OPCML: variants seen among roughly 807,000 people sequenced by gnomAD.
OPCML encodes the protein opioid binding protein/cell adhesion molecule like.
OPCML carries 13 observed loss-of-function variants against 37.8 expected under a neutral mutation model. The ratio of observed to expected loss-of-function variants is 0.34; its 90% CI spans 0.22 to 0.55. The LOEUF is 0.55. Among genes scored for constraint, OPCML ranks in the 20% least tolerant of loss-of-function variants. The pLI, the probability that OPCML is intolerant of heterozygous loss-of-function variation, is 0.91. For missense variants in OPCML, 341 were observed against 435.6 expected (o/e 0.78, Z 1.93); for synonymous variants, 176 against 168.8 (o/e 1.04, Z -0.33).
rs569762987 is a variant in OPCML at position 133,324,585 on chromosome 11, G to A, written c.61+207679C>T. Reference sequence around the variant, plus strand: ...TAGAAGCAACTGCTAAGACGCCTACGGGCCTCTGTGCCCCAGGTGGGCTGT... The same window carrying A: ...TAGAAGCAACTGCTAAGACGCCTACAGGCCTCTGTGCCCCAGGTGGGCTGT... On this transcript the variant is annotated intron_variant, in intron 1 of 7. Coordinates refer to ENST00000524381, the MANE Select transcript of OPCML (RefSeq NM_001012393.5). Among the ~76,000 whole-genome samples the A allele has an allele frequency of 1.2e-4, 19 of 152,176 alleles. 1 individual carries two copies. Among genetic ancestry groups the A allele is most frequent in the Admixed American group, 7.8e-4 (12 of 15,288 alleles).
At chr11:133,504,512 A>G (rs993626141) in intron 1 of OPCML, among the ~76,000 whole-genome samples, 2 of 152,240 alleles carry the variant, frequency 1.3e-5, no homozygotes, top group Non-Finnish European at 2.9e-5. Context: ...AAATGCCATC[A>G]GTAAAAGACT....
At chr11:132,665,448 C>T (rs763870107) in intron 2 of OPCML, among the ~76,000 whole-genome samples, 1 of 152,162 alleles carries the variant, frequency 6.6e-6, no homozygotes, top group South Asian at 2.1e-4. Context: ...GACGGCAGCT[C>T]AGAACAGAGT....
intron 1 of OPCML, chr11:133,300,794 T>A (rs1942757381): frequency 1.3e-5 from 2 of 152,164 alleles, no homozygotes; most frequent in African/African-American, 4.8e-5. Context: ...CAGAGCGTGA[T>A]TTCATAAAGA....
intron 1 of OPCML, among the ~76,000 whole-genome samples, chr11:133,178,541 T>G (rs533648157): frequency 1.2e-4 from 19 of 152,184 alleles, no homozygotes; most frequent in African/African-American, 4.6e-4. Flanking sequence ...CTGGGCTCGT[T>G]GGGGAAATAA....
intron 2 of OPCML, among the ~76,000 whole-genome samples, chr11:132,919,769 T>C (rs1453510055): frequency 2.0e-5 from 3 of 152,042 alleles, no homozygotes; most frequent in Non-Finnish European, 2.9e-5. Flanking sequence ...ATGCTGTTCA[T>C]CTCCACCCAC....
intron 2 of OPCML, among the ~76,000 whole-genome samples, chr11:132,820,222 C>T (rs905272309): frequency 2.0e-5 from 3 of 152,124 alleles, no homozygotes; most frequent in East Asian, 1.9e-4. Context: ...AATGGGGGTC[C>T]TGCTTTCACA....
intron 1 of OPCML, among the ~76,000 whole-genome samples, chr11:133,320,867 T>C (rs976788871): frequency 3.9e-5 from 6 of 152,196 alleles, no homozygotes; most frequent in Non-Finnish European, 5.9e-5. Context: ...CCCGCAAGTC[T>C]GCTCAATACG....
intron 4 of OPCML, among the ~76,000 whole-genome samples, chr11:132,477,023 T>A (rs1255231866): frequency 2.0e-5 from 3 of 152,136 alleles, no homozygotes; most frequent in Non-Finnish European, 4.4e-5. Context: ...ATAGGTAAAT[T>A]GACCACTTAT....
chr11:132,575,676 C>G (rs1173810403), intron 3 of OPCML, among the ~76,000 whole-genome samples: 1 of 151,948 alleles, frequency 6.6e-6, no homozygotes, highest in African/African-American at 2.4e-5. Flanking sequence ...ACTACCATTA[C>G]AGTAATACAG....
intron 2 of OPCML, among the ~76,000 whole-genome samples, chr11:132,810,259 T>C (rs1216389955): frequency 6.6e-6 from 1 of 152,202 alleles, no homozygotes; most frequent in Admixed American, 6.5e-5. Context: ...CAGGTCAGAC[T>C]TCAAGTCTCA....
At chr11:133,457,611 T>C (rs563750647) in intron 1 of OPCML, among the ~76,000 whole-genome samples, 199 of 152,110 alleles carry the variant, frequency 1.3e-3, no homozygotes, top group African/African-American at 4.7e-3. Flanking sequence ...TATATATGCT[T>C]TAAGACACCA....
chr11:133,384,082 A>G (rs551615922), intron 1 of OPCML, among the ~76,000 whole-genome samples: 1 of 152,136 alleles, frequency 6.6e-6, no homozygotes, highest in East Asian at 1.9e-4. Flanking sequence ...TTCAGTGGTA[A>G]AAACAGATAC....
At chr11:133,152,380 G>A (rs1949998730) in intron 1 of OPCML, among the ~76,000 whole-genome samples, 1 of 152,154 alleles carries the variant, frequency 6.6e-6, no homozygotes, top group African/African-American at 2.4e-5. Flanking sequence ...TGCCCACTTC[G>A]TTATTTAAGA....
chr11:133,414,939 G>T (rs1592277545), intron 1 of OPCML, among the ~76,000 whole-genome samples: 1 of 152,186 alleles, frequency 6.6e-6, no homozygotes, highest in South Asian at 2.1e-4. Context: ...AAGACAAAAA[G>T]AAAATGTGGT....
intron 1 of OPCML, chr11:133,423,271 G>A: frequency 1.0e-6 from 1 of 985,266 alleles, no homozygotes; most frequent in Non-Finnish European, 1.2e-6. Context: ...TTCAGTTTTA[G>A]CAATTGGAAT....
chr11:132,807,601 A>C (rs543065932), intron 2 of OPCML, among the ~76,000 whole-genome samples: 11 of 152,202 alleles, frequency 7.2e-5, no homozygotes, highest in Non-Finnish European at 1.2e-4. Flanking sequence ...AGTGCTGTGG[A>C]TTCCTCTCCC....
chr11:132,762,745 T>C (rs1187902883), intron 2 of OPCML, among the ~76,000 whole-genome samples: 1 of 152,172 alleles, frequency 6.6e-6, no homozygotes, highest in Non-Finnish European at 1.5e-5. Context: ...CATAGCTTTT[T>C]GGGCTCCGTG....
At chr11:132,641,901 C>A (rs759586606) in intron 3 of OPCML, among the ~76,000 whole-genome samples, 3 of 152,172 alleles carry the variant, frequency 2.0e-5, no homozygotes, top group Admixed American at 6.5e-5. Context: ...CAGGGGTTGT[C>A]ATTCAGGGCT....
intron 2 of OPCML, among the ~76,000 whole-genome samples, chr11:132,663,470 T>C (rs2135792431): frequency 6.6e-6 from 1 of 152,320 alleles, no homozygotes; most frequent in South Asian, 2.1e-4. Context: ...TCTATTGTAA[T>C]TGGGAGATGT....
Sources: allele counts gnomAD v4.1 joint callset (sites outside exome capture counted in the v4.1 genomes callset), GRCh38; gene constraint gnomAD v4.1.1; transcripts MANE v1.5; gene names NCBI Gene and HGNC (gene_info 2026-07-23, HGNC 2026-07-21).